The following PCDHA12 variants were observed in gnomAD, a reference collection of about 807,000 sequenced individuals.
PCDHA12 encodes the protein protocadherin alpha-12.
Under a neutral mutation model 60.0 loss-of-function variants are expected in PCDHA12, and 44 were observed. That is an observed-to-expected ratio of 0.73 (90% CI 0.58 to 0.94). PCDHA12 has a LOEUF of 0.94. Ranked by LOEUF, PCDHA12 falls within the 40% of genes least tolerant of loss-of-function variation. The pLI, the probability that PCDHA12 is intolerant of heterozygous loss-of-function variation, is 0.00. For missense variants in PCDHA12, 1,276 were observed against 1,239.7 expected (o/e 1.03, Z -0.44); for synonymous variants, 569 against 553.0 (o/e 1.03, Z -0.40).
chr5:140,927,481 G>T, intron 1 of PCDHA12: 1 of 1,614,072 alleles, frequency 6.2e-7, no homozygotes, highest in Non-Finnish European at 8.5e-7. Context: ...CGAACAGCGC[G>T]CCACCCACCT....
chr5:140,882,284 C>T (rs782560108), intron 1 of PCDHA12: 7 of 1,612,734 alleles, frequency 4.3e-6, no homozygotes, highest in Non-Finnish European at 5.9e-6. Context: ...GTCTTCCTGG[C>T]AAGGAGGCCC....
chr5:140,927,068 C>T, intron 1 of PCDHA12: 1 of 1,611,218 alleles, frequency 6.2e-7, no homozygotes, highest in Non-Finnish European at 8.5e-7. Context: ...CGCTTCCTTT[C>T]CAGCCACCGC....
chr5:140,926,819 C>T, intron 1 of PCDHA12: 1 of 1,493,950 alleles, frequency 6.7e-7, no homozygotes. Context: ...CTCGTGCTCT[C>T]CAGGAGTCCG....
chr5:140,983,100 T>C (rs2097027056), intron 3 of PCDHA12, among the ~76,000 whole-genome samples: 1 of 152,232 alleles, frequency 6.6e-6, no homozygotes, highest in African/African-American at 2.4e-5. Flanking sequence ...AATCTGCTTC[T>C]CTCTGCACAT....
In PCDHA12 at chr5:140,886,016, A is replaced by G. The variant is rs192748955; in HGVS notation, c.2367+8177A>G. Among the ~76,000 whole-genome samples the G allele has an allele frequency of 3.1e-3, 468 of 152,290 alleles. 3 individuals are homozygous for G. Among genetic ancestry groups the G allele is most frequent in the Middle Eastern group, 0.014 (4 of 294 alleles). On this transcript the variant is annotated intron_variant, in intron 1 of 3. Transcript: ENST00000398631. ...GAAAGAAATAGTAAAGGGAGATGCTATGTATTCTTCACTAAGTTTTCCCCA... is the reference window on the plus strand; with the variant it reads ...GAAAGAAATAGTAAAGGGAGATGCTGTGTATTCTTCACTAAGTTTTCCCCA...
At position 140,945,888 on chromosome 5, in the gene PCDHA12, C is replaced by T. The variant is rs117232601; in HGVS notation, c.2368-33061C>T. Among the ~76,000 whole-genome samples, 21 of 152,006 alleles carry T rather than the reference C, an allele frequency of 1.4e-4. No homozygotes were observed. The East Asian group carries it at 2.9e-3, about 21-fold the overall frequency. On this transcript the variant is annotated intron_variant, in intron 1 of 3. Transcript: ENST00000398631. Reference sequence around the variant, plus strand: ...GAAATTGTAAAACTAACAAAGAAAACACAGTGGGAAAGATGAAAGATCAAT... The same window carrying T: ...GAAATTGTAAAACTAACAAAGAAAATACAGTGGGAAAGATGAAAGATCAAT...
Position 140,961,691 on chromosome 5 carries a change from T to A in PCDHA12, c.2368-17258T>A, listed in dbSNP as rs963909259. On this transcript the variant is annotated intron_variant, in intron 1 of 3. Transcript: ENST00000398631. Reference sequence around the variant, plus strand: ...GTTTTTAATTAAGCCGGAGTAGTCCTTAGTATGAATGCCTTCATTTCTAAG... The same window carrying A: ...GTTTTTAATTAAGCCGGAGTAGTCCATAGTATGAATGCCTTCATTTCTAAG... Among the ~76,000 whole-genome samples the A allele has an allele frequency of 2.0e-5, 3 of 152,340 alleles. No individual in the cohort carries two copies. In the East Asian group the frequency reaches 5.8e-4, roughly 29 times the overall value.
chr5:140,946,574 G>A (rs246054), intron 1 of PCDHA12, among the ~76,000 whole-genome samples: 79,382 of 143,554 alleles, frequency 0.55, 22,609 homozygotes, highest in African/African-American at 0.68. Context: ...AATCAACTTA[G>A]GTGTTCATAG....
chr5:140,967,327 C>T (rs2096128034), intron 1 of PCDHA12: 2 of 1,608,656 alleles, frequency 1.2e-6, no homozygotes, highest in Admixed American at 1.7e-5. Context: ...CCTACGAGCT[C>T]AGCCCCAGCG....
intron 1 of PCDHA12, among the ~76,000 whole-genome samples, chr5:140,945,772 T>C (rs538344111): frequency 1.3e-5 from 2 of 152,110 alleles, no homozygotes; most frequent in Non-Finnish European, 2.9e-5. Flanking sequence ...GACAATTTGA[T>C]ATCCAGATGC....
intron 1 of PCDHA12, chr5:140,927,567 C>A: frequency 6.2e-7 from 1 of 1,614,180 alleles, no homozygotes; most frequent in Non-Finnish European, 8.5e-7. Context: ...TTGTGGTGGA[C>A]ACAAATGACA....
At chr5:140,933,513 G>A (rs2089204044) in intron 1 of PCDHA12, among the ~76,000 whole-genome samples, 1 of 152,012 alleles carries the variant, frequency 6.6e-6, no homozygotes, top group African/African-American at 2.4e-5. Context: ...AAAGACTACA[G>A]CTGTTTTGTT....
intron 1 of PCDHA12, chr5:140,883,017 C>G: frequency 6.2e-7 from 1 of 1,614,054 alleles, no homozygotes. Context: ...TATAAAGTGA[C>G]GGTGTTAGAG....
chr5:140,883,075 T>A (rs969917261), intron 1 of PCDHA12: 8 of 1,614,134 alleles, frequency 5.0e-6, no homozygotes, highest in Non-Finnish European at 6.8e-6. Flanking sequence ...CCACAGATCC[T>A]GATGATGGTA....
intron 1 of PCDHA12, among the ~76,000 whole-genome samples, chr5:140,960,254 C>T (rs2095534958): frequency 6.6e-6 from 1 of 152,138 alleles, no homozygotes; most frequent in South Asian, 2.1e-4. Flanking sequence ...CTTCCTGGAG[C>T]TTCTGATAAA....
chr5:140,881,445 A>C, intron 1 of PCDHA12: 1 of 783,070 alleles, frequency 1.3e-6, no homozygotes, highest in Non-Finnish European at 1.6e-6. Flanking sequence ...TAAAAACAGA[A>C]TCCAAAACCT....
At chr5:140,920,184 AAT>A (rs782376164) in intron 1 of PCDHA12, among the ~76,000 whole-genome samples, 19 of 152,348 alleles carry the variant, frequency 1.2e-4, no homozygotes, top group East Asian at 9.6e-4. Context: ...AGTGTGTAGT[AAT>A]TTGTCACAGC....
chr5:140,976,149 A>C (rs1397618914), intron 1 of PCDHA12, among the ~76,000 whole-genome samples: 1 of 152,182 alleles, frequency 6.6e-6, no homozygotes, highest in Non-Finnish European at 1.5e-5. Context: ...ACTCATGTAC[A>C]TTTTACTACT....
intron 1 of PCDHA12, chr5:140,884,714 C>A: frequency 1.4e-6 from 2 of 1,471,312 alleles, no homozygotes; most frequent in Non-Finnish European, 9.0e-7. Context: ...GCCTTCCTTG[C>A]AGTTGTTTGT....
Sources: gnomAD v4.1 joint callset for allele counts (sites outside exome capture counted in the v4.1 genomes callset) on GRCh38, gnomAD v4.1.1 for gene constraint, MANE v1.5 for transcripts, NCBI Gene and HGNC (gene_info 2026-07-23, HGNC 2026-07-21) for gene names.